Variants in CNOT6L observed in about 807,000 individuals in gnomAD.
CNOT6L encodes CCR4-NOT transcription complex subunit 6-like.
CNOT6L carries 7 observed loss-of-function variants against 64.0 expected under a neutral mutation model. The ratio of observed to expected loss-of-function variants is 0.11; its 90% CI spans 0.06 to 0.21. The LOEUF is 0.21. Among genes scored for constraint, CNOT6L ranks in the 10% least tolerant of loss-of-function variants. The pLI, the probability that CNOT6L is intolerant of heterozygous loss-of-function variation, is 1.00. For synonymous variants in CNOT6L, 193 were observed against 243.4 expected (o/e 0.79, Z 1.93); for missense variants, 245 against 669.0 (o/e 0.37, Z 6.99).
At chr4:77,768,885 T>C (rs1047440068) in intron 4 of CNOT6L, among the ~76,000 whole-genome samples, 6 of 152,112 alleles carry the variant, frequency 3.9e-5, no homozygotes, top group Admixed American at 6.5e-5. Context: ...AACATTATGG[T>C]ATTGCCTAAA....
At chr4:77,761,301 A>G (rs1726198429) in intron 4 of CNOT6L, among the ~76,000 whole-genome samples, 1 of 152,164 alleles carries the variant, frequency 6.6e-6, no homozygotes, top group Non-Finnish European at 1.5e-5. Context: ...GAATCAACCA[A>G]ATGACTGCAG....
chr4:77,718,036 A>ATTTTT lies in CNOT6L; in HGVS notation c.*2390_*2394dup, dbSNP rs11377990. ...ACTTAAGCTGTTTACAATGTTTCCC[A>ATTTTT]TTTTTTTTTATTTTTTCCCTCTACA... On this transcript the variant is annotated 3_prime_UTR_variant, in exon 12 of 12. Transcript: ENST00000504123. 9 of 151,346 alleles carry ATTTTT rather than the reference A, an allele frequency of 5.9e-5. No individual in the cohort carries two copies. The South Asian group carries it at 1.9e-3, about 32-fold the overall frequency. The allele number at this position is 151,346 out of a possible 1,614,324, so 9.4% of individuals were successfully genotyped here. A position where few individuals can be genotyped will look rare whatever the true frequency, so the allele number is the denominator to read the frequency against.
intron 1 of CNOT6L, among the ~76,000 whole-genome samples, chr4:77,801,638 T>C (rs1454858592): frequency 7.9e-6 from 1 of 126,440 alleles, no homozygotes; most frequent in African/African-American, 3.0e-5. Context: ...TTATTTTTCT[T>C]AACAAATTTT....
At chr4:77,724,679 A>C (rs1461317118) in intron 11 of CNOT6L, among the ~76,000 whole-genome samples, 1 of 151,850 alleles carries the variant, frequency 6.6e-6, no homozygotes, top group Admixed American at 6.6e-5. Flanking sequence ...AATAGAATAA[A>C]ATTTTTTCTT....
Position 77,713,879 on chromosome 4 carries a change from C to CTATT in CNOT6L, c.*6548_*6551dup, listed in dbSNP as rs1407853329. 1 of 152,460 alleles carries CTATT rather than the reference C, an allele frequency of 6.6e-6. No individual in the cohort carries two copies. The highest frequency in any genetic ancestry group is 1.9e-4 in the East Asian group (1 of 5,180). 9.4% of individuals were successfully genotyped at this position (152,460 alleles called of 1,614,324 possible). A position where few individuals can be genotyped will look rare whatever the true frequency, so the allele number is the denominator to read the frequency against. On this transcript the variant is annotated 3_prime_UTR_variant, in exon 12 of 12. Coordinates refer to ENST00000504123, the MANE Select transcript of CNOT6L (RefSeq NM_144571.3). ...TGGTTAAAACACCTACAGAACCAGT[C>CTATT]TATTAAACATTAAACACTAGCAAGC...
chr4:77,740,257 G>A (rs1723432002), intron 8 of CNOT6L, among the ~76,000 whole-genome samples: 1 of 152,056 alleles, frequency 6.6e-6, no homozygotes. Flanking sequence ...TGTAGTCTCA[G>A]CTACTCAGGG....
At chr4:77,750,062 A>G (rs1230420329) in intron 5 of CNOT6L, among the ~76,000 whole-genome samples, 1 of 152,220 alleles carries the variant, frequency 6.6e-6, no homozygotes, top group Non-Finnish European at 1.5e-5. Context: ...TCCATGGAAT[A>G]CTGTTGAGTA....
intron 11 of CNOT6L, among the ~76,000 whole-genome samples, chr4:77,723,533 A>G (rs996909551): frequency 5.3e-5 from 8 of 152,170 alleles, no homozygotes; most frequent in African/African-American, 1.9e-4. Context: ...ATAAAACTGA[A>G]AAGTTCATTT....
At chr4:77,767,417 T>G (rs1040263235) in intron 4 of CNOT6L, among the ~76,000 whole-genome samples, 1 of 152,228 alleles carries the variant, frequency 6.6e-6, no homozygotes, top group East Asian at 1.9e-4. Flanking sequence ...GAGGAGACTT[T>G]CAAAACCAGG....
intron 4 of CNOT6L, among the ~76,000 whole-genome samples, chr4:77,758,390 CG>C: frequency 6.6e-6 from 1 of 152,110 alleles, no homozygotes; most frequent in East Asian, 1.9e-4. Flanking sequence ...ATCCAAAATG[CG>C]TCACTGAGAG....
chr4:77,745,922 TC>T (rs1724144421), intron 6 of CNOT6L, among the ~76,000 whole-genome samples: 1 of 152,224 alleles, frequency 6.6e-6, no homozygotes, highest in African/African-American at 2.4e-5. Flanking sequence ...GAAACTCAGT[TC>T]AGTCCCCTGG....
chr4:77,743,631 T>C, intron 7 of CNOT6L, among the ~76,000 whole-genome samples: 1 of 120,674 alleles, frequency 8.3e-6, no homozygotes. Flanking sequence ...AGACAGAATC[T>C]CGCTCTGCCA....
intron 7 of CNOT6L, among the ~76,000 whole-genome samples, chr4:77,744,235 A>G (rs1229624936): frequency 6.6e-6 from 1 of 151,926 alleles, no homozygotes; most frequent in Non-Finnish European, 1.5e-5. Context: ...TATAAAACAG[A>G]AGAATCTAAA....
rs556905249 is a variant in CNOT6L, at chr4:77,780,802, G to C, written c.6-4410C>G. ...AATCTGTAAAATACTGACTTCATAG[G>C]AAACGTATTTCAAAGCTGGGCACAG... is the stretch of plus-strand genomic sequence containing the variant. On this transcript the variant is annotated intron_variant, in intron 1 of 11. Transcript: ENST00000504123. 3.3e-5 allele frequency among the ~76,000 whole-genome samples: 5 copies of C among 152,248 alleles called. No individual in the cohort carries two copies. In the East Asian group the frequency reaches 9.6e-4, roughly 29 times the overall value.
chr4:77,749,620 G>A (rs567509033), intron 5 of CNOT6L, among the ~76,000 whole-genome samples: 88 of 152,120 alleles, frequency 5.8e-4, no homozygotes, highest in African/African-American at 2.0e-3. Flanking sequence ...TAAGTATAAC[G>A]CAATCAACAA....
At chr4:77,749,378 G>A (rs951012331) in intron 5 of CNOT6L, among the ~76,000 whole-genome samples, 12 of 152,128 alleles carry the variant, frequency 7.9e-5, no homozygotes, top group African/African-American at 2.7e-4. Flanking sequence ...CTGGCTATGT[G>A]AGTGCCATGG....
At chr4:77,745,878 G>T (rs1361935080) in intron 6 of CNOT6L, among the ~76,000 whole-genome samples, 2 of 152,204 alleles carry the variant, frequency 1.3e-5, no homozygotes, top group Non-Finnish European at 2.9e-5. Context: ...GATTGAAGTT[G>T]GTTCTGTTTC....
chr4:77,762,989 A>T (rs1194743552), intron 4 of CNOT6L, among the ~76,000 whole-genome samples: 1 of 152,178 alleles, frequency 6.6e-6, no homozygotes, highest in African/African-American at 2.4e-5. Context: ...TCTTTAAAAA[A>T]ATATATTCAA....
intron 1 of CNOT6L, among the ~76,000 whole-genome samples, chr4:77,789,309 C>A (rs898692995): frequency 6.6e-6 from 1 of 152,056 alleles, no homozygotes; most frequent in Non-Finnish European, 1.5e-5. Flanking sequence ...CACGCTCCCC[C>A]CAACCCCGCC....
Sources: gnomAD v4.1 joint callset for allele counts (sites outside exome capture counted in the v4.1 genomes callset) on GRCh38, gnomAD v4.1.1 for gene constraint, MANE v1.5 for transcripts, NCBI Gene and HGNC (gene_info 2026-07-23, HGNC 2026-07-21) for gene names.